The following PLCG1 variants were observed in gnomAD, a reference collection of about 807,000 sequenced individuals.
The protein encoded by PLCG1 is 1-phosphatidylinositol 4,5-bisphosphate phosphodiesterase gamma-1.
A neutral mutation model predicts 177.8 loss-of-function variants in PLCG1; 71 were observed. The ratio of observed to expected loss-of-function variants is 0.40; its 90% CI spans 0.33 to 0.49. The LOEUF (loss-of-function observed/expected upper bound fraction) is 0.49. Ranked by LOEUF, PLCG1 falls within the 20% of genes least tolerant of loss-of-function variation. The pLI, the probability that PLCG1 is intolerant of heterozygous loss-of-function variation, is 0.72. For synonymous variants in PLCG1, 658 were observed against 647.9 expected (o/e 1.02, Z -0.24); for missense variants, 1,281 against 1,709.0 (o/e 0.75, Z 4.42).
In PLCG1 at chr20:41,175,414, G is replaced by A. The variant is rs2036035916; in HGVS notation, c.*905G>A. ...CCTGAGGAATGAAAAAGGGATTGAG[G>A]AGTTGCCTGACTCCTGGGTGGGTGG... On this transcript the variant is annotated 3_prime_UTR_variant, in exon 32 of 32. Transcript: ENST00000685551. 1 of 152,132 alleles carries A rather than the reference G, an allele frequency of 6.6e-6. No individual in the cohort carries two copies. Among genetic ancestry groups the A allele is most frequent in the Non-Finnish European group, 1.5e-5 (1 of 68,010 alleles). The allele number at this position is 152,132 out of a possible 1,614,324, so 9.4% of individuals were successfully genotyped here.
rs200175894 is a variant in PLCG1, at chr20:41,166,460, C to G, written c.2001-16C>G. ...CATGGGTGGTGCTGGCCGGGCCTGA[C>G]TCTGCCTGTTCTCAGGTGGTACCAC... is the stretch of plus-strand genomic sequence containing the variant. On this transcript the variant is annotated splice_polypyrimidine_tract_variant and intron_variant, in intron 17 of 31. Coordinates refer to ENST00000685551, the MANE Select transcript of PLCG1 (RefSeq NM_002660.3). This position sits in a 1 kb window ranked among gnomAD's most constrained non-coding sequence, Gnocchi z 8.6. 1.2e-6 allele frequency: 2 copies of G among 1,613,946 alleles called. No individual in the cohort carries two copies. The highest frequency in any genetic ancestry group is 1.3e-5 in the African/African-American group (1 of 75,050).
At chr20:41,171,271 G>GA (rs2035886565) in intron 24 of PLCG1, among the ~76,000 whole-genome samples, 1 of 152,148 alleles carries the variant, frequency 6.6e-6, no homozygotes, top group South Asian at 2.1e-4. Context: ...GGTCTAGGCT[G>GA]AAAAGGGAAG....
At chr20:41,170,382 G>C in intron 24 of PLCG1, 113 bp downstream of exon 24, 1 of 1,044,578 alleles carries the variant, frequency 9.6e-7, no homozygotes, top group Non-Finnish European at 1.4e-6. Flanking sequence ...GATGGCCTAT[G>C]CTAGATAGGC....
In PLCG1 at chr20:41,166,893, G is replaced by C. The variant is rs2035714070; in HGVS notation, c.2301+34G>C. ...GCTGTGGTAGACGGGGCATGGCAGG[G>C]GAGGCAGGAGAGACCCAGAATCTTA... On this transcript the variant is annotated intron_variant, in intron 19 of 31. Coordinates refer to ENST00000685551, the MANE Select transcript of PLCG1 (RefSeq NM_002660.3). The surrounding 1 kb of genome is among the most constrained non-coding windows in gnomAD (Gnocchi z 8.6). The C allele has an allele frequency of 6.3e-7, 1 of 1,590,998 alleles. No individual in the cohort carries two copies. The highest frequency in any genetic ancestry group is 8.6e-7 in the Non-Finnish European group (1 of 1,159,608).
Position 41,168,753 on chromosome 20 carries a change from T to C in PLCG1, c.2380-14T>C. The C allele has an allele frequency of 6.5e-7, 1 of 1,545,770 alleles. No individual in the cohort carries two copies. Among genetic ancestry groups the C allele is most frequent in the Non-Finnish European group, 8.9e-7 (1 of 1,120,682 alleles). On this transcript the variant is annotated splice_polypyrimidine_tract_variant and intron_variant, in intron 20 of 31. Coordinates refer to ENST00000685551, the MANE Select transcript of PLCG1 (RefSeq NM_002660.3). ...GAGCCTTTCTGCTCTGACTGGTGCT[T>C]CTCACCTCTGCAGTGTGCAGTCAAA...
rs2035442044 is a variant in PLCG1 at position 41,159,931 on chromosome 20, A to T, written c.432A>T (p.Thr144=). ...IKGLTWLMED[T]LQAPTPLQIE... ...GCTTAACTTGGCTGATGGAGGATAC[A>T]TTGCAGGCACCCACACCCCTGCAGA... Residue 144 remains threonine, a synonymous_variant, in exon 3 of 32, where the codon ACA becomes ACT. Transcript: ENST00000685551. The surrounding 1 kb of genome is among the most constrained non-coding windows in gnomAD (Gnocchi z 6.0). 1 of 1,614,084 alleles carries T rather than the reference A, an allele frequency of 6.2e-7. No individual in the cohort carries two copies. The highest frequency in any genetic ancestry group is 1.7e-5 in the Admixed American group (1 of 60,008).
chr20:41,137,594 TC>T lies in PLCG1; in HGVS notation c.-45del. 1 of 1,177,966 alleles carries T rather than the reference TC, an allele frequency of 8.5e-7. No homozygotes were observed. The highest frequency in any genetic ancestry group is 1.1e-6 in the Non-Finnish European group (1 of 925,196). 73.0% of individuals were successfully genotyped at this position (1,177,966 alleles called of 1,614,324 possible). On this transcript the variant is annotated 5_prime_UTR_variant, in exon 1 of 32. Coordinates refer to ENST00000685551, the MANE Select transcript of PLCG1 (RefSeq NM_002660.3). The surrounding 1 kb of genome is among the most constrained non-coding windows in gnomAD (Gnocchi z 7.3). ...CCTCAGCCGCCGCCGTTGCGCTTGC[TC>T]CCGGGCGGTCCTGGCCTGTGCCGCC...
Position 41,150,339 on chromosome 20 carries a change from C to T in PLCG1, c.218-9267C>T, listed in dbSNP as rs894573026. Among the ~76,000 whole-genome samples, 1 of 152,136 alleles carries T rather than the reference C, an allele frequency of 6.6e-6. No homozygotes were observed. The highest frequency in any genetic ancestry group is 1.5e-5 in the Non-Finnish European group (1 of 68,026). ...GAAAAATTTTAAAAGTGACTTATAC[C>T]CATTGCTCTGGTTCTCCAAGTAGCC... On this transcript the variant is annotated intron_variant, in intron 1 of 31. Transcript: ENST00000685551. The surrounding 1 kb of genome is among the most constrained non-coding windows in gnomAD (Gnocchi z 4.0).
chr20:41,168,069 G>A, intron 20 of PLCG1, 140 bp downstream of exon 20: 1 of 681,046 alleles, frequency 1.5e-6, no homozygotes, highest in South Asian at 1.7e-5. Context: ...GGTTGTGAGA[G>A]ATGTGTGGTT....
In PLCG1 at chr20:41,172,399, G is replaced by A. The variant is rs760469285; in HGVS notation, c.2906-22G>A. ...CTTCCTGGGTGGGCGGGCTCTGTAA[G>A]TGTTTTCCCTGTTTGGCCCAGAGAT... On this transcript the variant is annotated intron_variant, in intron 25 of 31. Coordinates refer to ENST00000685551, the MANE Select transcript of PLCG1 (RefSeq NM_002660.3). The surrounding 1 kb of genome is among the most constrained non-coding windows in gnomAD (Gnocchi z 7.0). 1.1e-5 allele frequency: 17 copies of A among 1,609,642 alleles called. No homozygotes were observed. Among genetic ancestry groups the A allele is most frequent in the African/African-American group, 8.0e-5 (6 of 74,840 alleles).
At chr20:41,154,820 C>A (rs1488629462) in intron 1 of PLCG1, among the ~76,000 whole-genome samples, 1 of 152,238 alleles carries the variant, frequency 6.6e-6, no homozygotes, top group African/African-American at 2.4e-5. Flanking sequence ...TGGGGGCTTA[C>A]TCTCCTGCAG....
In PLCG1 at chr20:41,169,371, G is replaced by A. The variant is rs747618692; in HGVS notation, c.2581-86G>A. The stretch of plus-strand genomic sequence containing the variant: ...TTGGCAGTCACAGGTACACCCACAA[G>A]ATGTATTTGTCCCATGCACACGGAT... On this transcript the variant is annotated intron_variant, in intron 22 of 31. Transcript: ENST00000685551. 1.1e-5 allele frequency: 12 copies of A among 1,107,172 alleles called. No individual in the cohort carries two copies. The East Asian group carries it at 1.2e-4, about 11-fold the overall frequency. 68.6% of individuals were successfully genotyped at this position (1,107,172 alleles called of 1,614,324 possible). A position where few individuals can be genotyped will look rare whatever the true frequency, so the allele number is the denominator to read the frequency against.
chr20:41,165,503 G>C lies in PLCG1; in HGVS notation c.1563G>C (p.Glu521Asp). 2 of 1,614,074 alleles carry C rather than the reference G, an allele frequency of 1.2e-6. No homozygotes were observed. Among genetic ancestry groups the C allele is most frequent in the Non-Finnish European group, 1.7e-6 (2 of 1,179,974 alleles). ...VLTSSKIYYS[E>D]ETSSDQGNED... ...CCAGCAGCAAGATCTACTACTCTGA[G>C]GAGACCAGCAGTGACCAGGGCAACG... Residue 521 changes from glutamate (E) to aspartate (D), a missense_variant, in exon 15 of 32, where the codon GAG becomes GAC. Glu to Asp is a conservative substitution (Grantham distance 45). Around this residue, in one of 4 missense-constraint regions of PLCG1, gnomAD observed 723 missense variants for 1,030.0 expected, o/e 0.70. Transcript: ENST00000685551. This position sits in a 1 kb window ranked among gnomAD's most constrained non-coding sequence, Gnocchi z 6.6.
rs1352306709 is a variant in PLCG1 at position 41,174,410 on chromosome 20, T to C, written c.3834-57T>C. 5 of 1,596,580 alleles carry C rather than the reference T, an allele frequency of 3.1e-6. No individual in the cohort carries two copies. The highest frequency in any genetic ancestry group is 4.5e-5 in the East Asian group (2 of 44,482). On this transcript the variant is annotated intron_variant, in intron 31 of 31. Transcript: ENST00000685551. The surrounding 1 kb of genome is among the most constrained non-coding windows in gnomAD (Gnocchi z 5.8). The stretch of plus-strand genomic sequence containing the variant: ...TGGGTAGAAAAGTTGTAATATTGTC[T>C]GGCATTGGGCTGCAAGGCCCTGCCT...
chr20:41,141,878 T>TTG (rs1316831474), intron 1 of PLCG1, among the ~76,000 whole-genome samples: 21 of 152,194 alleles, frequency 1.4e-4, no homozygotes, highest in South Asian at 4.1e-4. Flanking sequence ...CTCCAGACTC[T>TTG]TGTGTGTGTG....
intron 1 of PLCG1, among the ~76,000 whole-genome samples, chr20:41,138,448 GGAGAAGCCTGA>G (rs2145989142): frequency 6.6e-6 from 1 of 152,078 alleles, no homozygotes; most frequent in South Asian, 2.1e-4. Flanking sequence ...TGTTTGGTTT[GGAGAAGCCTGA>G]GAGAAGCCAG....
In PLCG1 at chr20:41,166,879, C is replaced by T. The variant is rs370411654; in HGVS notation, c.2301+20C>T. On this transcript the variant is annotated intron_variant, in intron 19 of 31. Transcript: ENST00000685551. The surrounding 1 kb of genome is among the most constrained non-coding windows in gnomAD (Gnocchi z 8.6). ...ACAGCTGTGAGGGGGCTGTGGTAGA[C>T]GGGGCATGGCAGGGGAGGCAGGAGA... 51 of 1,609,384 alleles carry T rather than the reference C, an allele frequency of 3.2e-5. No homozygotes were observed. Among genetic ancestry groups the T allele is most frequent in the African/African-American group, 9.4e-5 (7 of 74,818 alleles).
intron 1 of PLCG1, among the ~76,000 whole-genome samples, chr20:41,139,065 C>G (rs1209267200): frequency 6.6e-6 from 1 of 152,116 alleles, no homozygotes; most frequent in Admixed American, 6.5e-5. Context: ...CACAAACCTT[C>G]TTGGGTATGG....
At chr20:41,169,713 C>T (rs1472378303) in intron 23 of PLCG1, 187 bp downstream of exon 23, 6 of 602,058 alleles carry the variant, frequency 1.0e-5, no homozygotes, top group South Asian at 2.0e-5. Context: ...AGCTTTGACC[C>T]CTGCATGTTT....
Sources: allele counts gnomAD v4.1 joint callset (sites outside exome capture counted in the v4.1 genomes callset), GRCh38; gene constraint gnomAD v4.1.1; regional missense constraint gnomAD v4.1.1; non-coding constraint Gnocchi (gnomAD v3.1); transcripts MANE v1.5; gene names NCBI Gene and HGNC (gene_info 2026-07-23, HGNC 2026-07-21).